The following KIF25 variants were observed in gnomAD, a reference collection of about 807,000 sequenced individuals.
KIF25 encodes kinesin family member 25.
KIF25 carries 19 observed loss-of-function variants against 32.9 expected under a neutral mutation model. That is an observed-to-expected ratio of 0.58 (90% CI 0.40 to 0.85). The LOEUF is 0.85. Ranked by LOEUF, KIF25 falls within the 40% of genes least tolerant of loss-of-function variation. The pLI is 0.00. For synonymous variants in KIF25, 225 were observed against 213.7 expected (o/e 1.05, Z -0.46); for missense variants, 485 against 507.0 (o/e 0.96, Z 0.42).
At position 168,042,637 on chromosome 6, in the gene KIF25, C is replaced by G; in HGVS notation, c.906C>G (p.Val302=). Residue 302 remains valine, a synonymous_variant, in exon 12 of 13, where the codon GTC becomes GTG. Coordinates refer to ENST00000643607, the MANE Select transcript of KIF25 (RefSeq NM_030615.4). ...GCAGCCTTGCGGCCCTGGCAGGCGTCCTGGGGGCTTTGTTGGAGCACCGTG... is the reference window on the plus strand; with the variant it reads ...GCAGCCTTGCGGCCCTGGCAGGCGTGCTGGGGGCTTTGTTGGAGCACCGTG... ...ISRSLAALAG[V]LGALLEHRGH... is the part of the protein sequence containing the mutation. 1 of 1,613,912 alleles carries G rather than the reference C, an allele frequency of 6.2e-7. No homozygotes were observed. Among genetic ancestry groups the G allele is most frequent in the Non-Finnish European group, 8.5e-7 (1 of 1,180,024 alleles).
At chr6:168,030,953 A>G (rs1380621587) in intron 7 of KIF25, 106 bp downstream of exon 7, 5 of 879,576 alleles carry the variant, frequency 5.7e-6, no homozygotes, top group African/African-American at 5.1e-5. Flanking sequence ...TGAGCATTCT[A>G]CAGCACTGCA....
At chr6:168,006,884 T>G (rs1798586622) in intron 4 of KIF25, among the ~76,000 whole-genome samples, 1 of 152,238 alleles carries the variant, frequency 6.6e-6, no homozygotes, top group Admixed American at 6.5e-5. Context: ...AGCCTTATAC[T>G]TTTTAAAAAG....
intron 4 of KIF25, among the ~76,000 whole-genome samples, chr6:168,009,126 G>C (rs1447551783): frequency 1.3e-5 from 2 of 152,076 alleles, no homozygotes; most frequent in South Asian, 2.1e-4. Context: ...GATAAGAGTG[G>C]TGAGACTTGG....
intron 3 of KIF25, among the ~76,000 whole-genome samples, chr6:168,003,339 A>G (rs1359470984): frequency 6.6e-6 from 1 of 152,234 alleles, no homozygotes; most frequent in East Asian, 1.9e-4. Context: ...AATAAAAAGC[A>G]TAAGGTCCAA....
At chr6:168,044,789 C>T (rs745921916) in intron 12 of KIF25, 38 bp from the exon 13 acceptor site, 4 of 1,548,084 alleles carry the variant, frequency 2.6e-6, no homozygotes, top group East Asian at 2.3e-5. Flanking sequence ...AGATGCTGCT[C>T]TTCTTTCCAG....
intron 6 of KIF25, 73 bp downstream of exon 6, chr6:168,029,750 C>A: frequency 6.6e-7 from 1 of 1,510,914 alleles, no homozygotes; most frequent in Non-Finnish European, 8.9e-7. Flanking sequence ...GCTCACTTTT[C>A]TATTCTTTCT....
chr6:168,004,907 T>G (rs115719335), intron 4 of KIF25, among the ~76,000 whole-genome samples: 2,769 of 152,258 alleles, frequency 0.018, 84 homozygotes, highest in African/African-American at 0.063. Flanking sequence ...CAGCATCTAA[T>G]CAAGTCTTGG....
rs761327564 is a variant in KIF25, at chr6:168,044,989, C to T, written c.1148C>T (p.Pro383Leu). 1.1e-5 allele frequency: 18 copies of T among 1,587,196 alleles called. No homozygotes were observed. The East Asian group carries it at 2.3e-4, about 20-fold the overall frequency. Residue 383 changes from proline to leucine, a missense_variant, in exon 13 of 13, where the codon CCG becomes CTG. Transcript: ENST00000643607. ...TCCCAAACGGAGGGGAAGAGGAGGC[C>T]GGATTGAATGCATTAACAAGTTTTT... ...PSSQTEGKRR[P>L]D
At chr6:168,010,784 T>TTA (rs1296399581) in intron 4 of KIF25, among the ~76,000 whole-genome samples, 16 of 152,040 alleles carry the variant, frequency 1.1e-4, no homozygotes, top group Non-Finnish European at 2.1e-4. Context: ...AATGTTTGCT[T>TTA]TATATATATA....
intron 4 of KIF25, among the ~76,000 whole-genome samples, chr6:168,008,515 T>C (rs942996530): frequency 1.3e-5 from 2 of 152,216 alleles, no homozygotes; most frequent in African/African-American, 4.8e-5. Flanking sequence ...GTGTGATTCC[T>C]CCAGCTTTGT....
intron 4 of KIF25, among the ~76,000 whole-genome samples, chr6:168,014,881 C>T (rs773084330): frequency 1.1e-4 from 17 of 152,146 alleles, no homozygotes; most frequent in Admixed American, 3.3e-4. Context: ...TGTCTTTGTT[C>T]GTCCCTGATT....
chr6:168,029,514 CA>C lies in KIF25; in HGVS notation c.-71del, dbSNP rs1448478762. 1 of 1,564,194 alleles carries C rather than the reference CA, an allele frequency of 6.4e-7. No individual in the cohort carries two copies. Among genetic ancestry groups the C allele is most frequent in the Admixed American group, 1.9e-5 (1 of 51,376 alleles). ...CAGATATACTGGCCTTCCCAGCTGACATGGACCTCAGGTCAGCTTCAGCGTG... is the reference window on the plus strand; with the variant it reads ...CAGATATACTGGCCTTCCCAGCTGACTGGACCTCAGGTCAGCTTCAGCGTG... On this transcript the variant is annotated 5_prime_UTR_variant, in exon 6 of 13. It removes an upstream start codon present in the reference 5' UTR. Transcript: ENST00000643607.
At chr6:168,042,760 C>T (rs778154594) in intron 12 of KIF25, 44 bp downstream of exon 12, 1 of 1,575,878 alleles carries the variant, frequency 6.3e-7, no homozygotes, top group Non-Finnish European at 8.6e-7. Context: ...GGACCACGTA[C>T]CCCAGGACAT....
At chr6:168,037,020 C>T (rs2114908463) in intron 8 of KIF25, among the ~76,000 whole-genome samples, 1 of 152,244 alleles carries the variant, frequency 6.6e-6, no homozygotes, top group East Asian at 1.9e-4. Flanking sequence ...CGAGAATGTG[C>T]CACTGCACTT....
chr6:168,039,381 C>T (rs190210778), intron 9 of KIF25, among the ~76,000 whole-genome samples: 10 of 152,352 alleles, frequency 6.6e-5, no homozygotes, highest in South Asian at 2.1e-4. Flanking sequence ...GTATTTTCCT[C>T]AAAGTTCCCT....
At chr6:168,015,244 C>T (rs1176998522) in intron 4 of KIF25, among the ~76,000 whole-genome samples, 1 of 152,068 alleles carries the variant, frequency 6.6e-6, no homozygotes, top group East Asian at 1.9e-4. Context: ...TGGGAGAGTC[C>T]CTGACTCTGT....
intron 2 of KIF25, among the ~76,000 whole-genome samples, chr6:168,001,548 G>A (rs2904615): frequency 1.1e-4 from 11 of 100,052 alleles, no homozygotes; most frequent in African/African-American, 4.5e-4. Flanking sequence ...CATCTGAGGC[G>A]TGGCCTCGGG....
At position 168,008,087 on chromosome 6, in the gene KIF25, C is replaced by T. The variant is rs1327584442; in HGVS notation, c.-163+4384C>T. ...ATTTGGCCTACCTTATGAAGGAATA[C>T]TGTATGGATTTGGCCTACCTTATGA... is the stretch of plus-strand genomic sequence containing the variant. On this transcript the variant is annotated intron_variant, in intron 4 of 12. Transcript: ENST00000643607. 2.0e-5 allele frequency among the ~76,000 whole-genome samples: 3 copies of T among 152,146 alleles called. No homozygotes were observed. In the East Asian group the frequency reaches 5.8e-4, roughly 29 times the overall value.
rs751690533 is a variant in KIF25, at chr6:168,042,123, C to G, written c.801C>G (p.Leu267=). ...HAEQVQARLQ[L]VDSAGSECVG... is the part of the protein sequence containing the mutation. ...AGCAGGTGCAGGCTCGACTACAGCTCGTGGACTCGGCCGGCAGCGAGTGCG... is the reference window on the plus strand; with the variant it reads ...AGCAGGTGCAGGCTCGACTACAGCTGGTGGACTCGGCCGGCAGCGAGTGCG... The change falls in exon 11 of 13, where the codon CTC becomes CTG. Residue 267 remains leucine (L), a synonymous_variant. Transcript: ENST00000643607. The G allele has an allele frequency of 6.4e-6, 10 of 1,550,548 alleles. No homozygotes were observed. Among genetic ancestry groups the G allele is most frequent in the Middle Eastern group, 2.0e-4 (1 of 4,884 alleles).
Sources: gnomAD v4.1 joint callset for allele counts (sites outside exome capture counted in the v4.1 genomes callset) on GRCh38, gnomAD v4.1.1 for gene constraint, MANE v1.5 for transcripts, NCBI Gene and HGNC (gene_info 2026-07-23, HGNC 2026-07-21) for gene names.